Variants in KMO observed in about 807,000 individuals in gnomAD.
The protein encoded by KMO is kynurenine 3-monooxygenase, also known as kynurenine 3-hydroxylase.
KMO carries 24 observed loss-of-function variants against 57.8 expected under a neutral mutation model. That is an observed-to-expected ratio of 0.42 (90% CI 0.30 to 0.58). The LOEUF (loss-of-function observed/expected upper bound fraction) is 0.58, where lower values mean the gene tolerates loss of function less well. Among genes scored for constraint, KMO ranks in the 20% least tolerant of loss-of-function variants. The pLI, the probability that KMO is intolerant of heterozygous loss-of-function variation, is 0.22. For missense variants in KMO, 483 were observed against 588.2 expected, an observed-to-expected ratio of 0.82 and a Z score of 1.85; for synonymous variants, 210 against 193.6, an observed-to-expected ratio of 1.08 and a Z score of -0.70.
chr1:241,554,311 C>T (rs1223925589), intron 4 of KMO, among the ~76,000 whole-genome samples: 2 of 148,006 alleles, frequency 1.4e-5, no homozygotes, highest in Non-Finnish European at 3.0e-5. Context: ...GACAGAGTCT[C>T]ACTCACTCTG....
intron 1 of KMO, among the ~76,000 whole-genome samples, chr1:241,548,283 AT>A (rs936238914): frequency 9.2e-5 from 14 of 152,278 alleles, no homozygotes; most frequent in Admixed American, 9.1e-4. Flanking sequence ...AACTTAAAAA[AT>A]TTTTAATGGG....
At chr1:241,586,503 A>G (rs1390539393) in intron 10 of KMO, 176 bp from the exon 11 acceptor site, 13 of 599,516 alleles carry the variant, frequency 2.2e-5, no homozygotes, top group South Asian at 2.1e-4. Context: ...TCCAGGCCCG[A>G]TGGTCATTTT....
chr1:241,577,608 C>T (rs896558676), intron 10 of KMO, among the ~76,000 whole-genome samples: 3 of 152,026 alleles, frequency 2.0e-5, no homozygotes, highest in Non-Finnish European at 4.4e-5. Context: ...TCACGGTCTC[C>T]TATGGGGTTG....
rs780250880 is a variant in KMO at position 241,594,344 on chromosome 1, C to G, written c.*2191C>G. On this transcript the variant is annotated 3_prime_UTR_variant, in exon 15 of 15. Transcript: ENST00000366559. The stretch of plus-strand genomic sequence containing the variant: ...AAGGTTCTGTTGATATTACATAGAA[C>G]GGGTATTCCAGACACTTCTTATGAT... The G allele has an allele frequency of 1.5e-5, 21 of 1,417,022 alleles. No homozygotes were observed. The highest frequency in any genetic ancestry group is 1.9e-5 in the Non-Finnish European group (20 of 1,031,686). The allele number at this position is 1,417,022 out of a possible 1,614,324, so 87.8% of individuals were successfully genotyped here. A position where few individuals can be genotyped will look rare whatever the true frequency, so the allele number is the denominator to read the frequency against.
chr1:241,582,950 G>A (rs1184127322), intron 10 of KMO, among the ~76,000 whole-genome samples: 2 of 152,192 alleles, frequency 1.3e-5, no homozygotes, highest in Admixed American at 6.5e-5. Flanking sequence ...AGGGGAATGA[G>A]TGTTGCGGTC....
intron 11 of KMO, among the ~76,000 whole-genome samples, chr1:241,587,420 T>A (rs560095793): frequency 3.3e-4 from 50 of 152,150 alleles, no homozygotes; most frequent in Non-Finnish European, 6.2e-4. Flanking sequence ...TCAGAAACAC[T>A]TAGAAGCTCC....
At chr1:241,556,517 C>T (rs541454085) in intron 5 of KMO, among the ~76,000 whole-genome samples, 2 of 152,300 alleles carry the variant, frequency 1.3e-5, no homozygotes, top group Non-Finnish European at 2.9e-5. Context: ...AGTGTTCACG[C>T]TGATGAAGAA....
intron 1 of KMO, among the ~76,000 whole-genome samples, chr1:241,535,252 G>T (rs78746797): frequency 0.019 from 2,788 of 150,370 alleles, 76 homozygotes; most frequent in African/African-American, 0.058. Flanking sequence ...ATCTTCTTCT[G>T]TTTTTTTTTC....
At chr1:241,571,580 A>G (rs1662281260) in intron 10 of KMO, among the ~76,000 whole-genome samples, 2 of 152,108 alleles carry the variant, frequency 1.3e-5, no homozygotes, top group African/African-American at 4.8e-5. Flanking sequence ...GATATGAGGT[A>G]TCACTTTTAT....
At chr1:241,579,792 G>C (rs1367458456) in intron 10 of KMO, among the ~76,000 whole-genome samples, 1 of 152,128 alleles carries the variant, frequency 6.6e-6, no homozygotes, top group East Asian at 1.9e-4. Context: ...CTGGCCAAGA[G>C]AGTTCAACCC....
At position 241,556,082 on chromosome 1, in the gene KMO, G is replaced by A. The variant is rs540645375; in HGVS notation, c.361+422G>A. Among the ~76,000 whole-genome samples, 68 of 152,250 alleles carry A rather than the reference G, an allele frequency of 4.5e-4. No individual in the cohort carries two copies. In the South Asian group the frequency reaches 0.011, roughly 24 times the overall value. On this transcript the variant is annotated intron_variant, in intron 5 of 14. Transcript: ENST00000366559. ...GCACTCCCAGCCTGGGCAACAGAGT[G>A]AGACCCTGTCTCAAAAAAAGAAATA...
Position 241,588,023 on chromosome 1 carries a change from G to A in KMO, c.1016-725G>A, listed in dbSNP as rs764831899. On this transcript the variant is annotated intron_variant, in intron 11 of 14. Transcript: ENST00000366559. The stretch of plus-strand genomic sequence containing the variant: ...AGGTAAAGGATAGACTAGAGAACTG[G>A]CCTTAAACTTACACCCAGTTTCAAG... 4.3e-4 allele frequency among the ~76,000 whole-genome samples: 66 copies of A among 152,230 alleles called. 2 individuals carry two copies. In the Middle Eastern group the frequency reaches 0.01, roughly 24 times the overall value.
chr1:241,586,727 A>G lies in KMO; in HGVS notation c.1006A>G (p.Asn336Asp). The G allele has an allele frequency of 1.2e-6, 2 of 1,604,710 alleles. No homozygotes were observed. The highest frequency in any genetic ancestry group is 8.5e-7 in the Non-Finnish European group (1 of 1,176,224). Residue 336 changes from asparagine (N) to aspartate (D), a missense_variant, in exon 11 of 15, where the codon AAC (asparagine) becomes GAC (aspartate). Physicochemically the swap from Asn to Asp is conservative, Grantham distance 23 (BLOSUM62 1). Around this residue, in one of 3 missense-constraint regions of KMO, gnomAD observed 410 missense variants for 492.3 expected, o/e 0.83. Coordinates refer to ENST00000366559, the MANE Select transcript of KMO (RefSeq NM_003679.5). ...TGATGAGTTAATGGATAAATTCAGTAACGACCTTAGTAAGTAAGGTCAATT... is the reference window on the plus strand; with the variant it reads ...TGATGAGTTAATGGATAAATTCAGTGACGACCTTAGTAAGTAAGGTCAATT... Reference protein sequence around the residue: ...VFDELMDKFSNDLSLCLPVFS... With the variant: ...VFDELMDKFSDDLSLCLPVFS...
intron 2 of KMO, among the ~76,000 whole-genome samples, chr1:241,549,396 A>T (rs1661310389): frequency 6.6e-6 from 1 of 152,042 alleles, no homozygotes; most frequent in Non-Finnish European, 1.5e-5. Context: ...GAATTGCAGG[A>T]TGTGGTTCTA....
chr1:241,544,248 A>G (rs1661058000), intron 1 of KMO, among the ~76,000 whole-genome samples: 1 of 152,190 alleles, frequency 6.6e-6, no homozygotes, highest in African/African-American at 2.4e-5. Context: ...TTTTCTCAGT[A>G]AGAGAGACTC....
At chr1:241,540,830 G>A (rs191975492) in intron 1 of KMO, among the ~76,000 whole-genome samples, 10 of 152,166 alleles carry the variant, frequency 6.6e-5, no homozygotes, top group African/African-American at 2.4e-4. Context: ...TTGGGGGGCC[G>A]AGGCAGAAGG....
At chr1:241,566,723 C>G (rs554507817) in intron 9 of KMO, 111 bp downstream of exon 9, 1 of 1,140,712 alleles carries the variant, frequency 8.8e-7, no homozygotes, top group Non-Finnish European at 1.3e-6. Context: ...CATGCAGTAA[C>G]CTGGACAGAA....
chr1:241,562,256 A>T lies in KMO; in HGVS notation c.539A>T (p.Lys180Ile), dbSNP rs1196201113. 5.6e-6 allele frequency: 9 copies of T among 1,614,070 alleles called. No homozygotes were observed. Among genetic ancestry groups the T allele is most frequent in the Non-Finnish European group, 7.6e-6 (9 of 1,180,008 alleles). ...YSTVRSHLMK[K>I]PRFDYSQQYI... ...ACTGTCAGATCTCACCTGATGAAGA[A>T]ACCTCGCTTTGATTACAGTCAGCAG... The change falls in exon 7 of 15, where the codon AAA becomes ATA. Residue 180 changes from lysine to isoleucine, a missense_variant. Lys to Ile is a moderately radical substitution (Grantham distance 102, BLOSUM62 -3). This residue lies in a region of KMO where 410 missense variants were observed against 492.3 expected (regional missense o/e 0.83). Transcript: ENST00000366559.
chr1:241,555,457 CA>C (rs1321812479), intron 4 of KMO, among the ~76,000 whole-genome samples, 154 bp from the exon 5 acceptor site: 2 of 152,000 alleles, frequency 1.3e-5, no homozygotes, highest in African/African-American at 2.4e-5. Context: ...TCTTTTTTAA[CA>C]AAAAAATCAA....
Sources: allele counts gnomAD v4.1 joint callset (sites outside exome capture counted in the v4.1 genomes callset), GRCh38; gene constraint gnomAD v4.1.1; regional missense constraint gnomAD v4.1.1; transcripts MANE v1.5; gene names NCBI Gene and HGNC (gene_info 2026-07-23, HGNC 2026-07-21).